The following RBFOX1 variants were observed in gnomAD, a reference collection of about 807,000 sequenced individuals.
RBFOX1 encodes RNA binding fox-1 homolog 1.
Under a neutral mutation model 57.7 loss-of-function variants are expected in RBFOX1, and 8 were observed. The observed-to-expected ratio is 0.14, with a 90% CI of 0.08 to 0.25. The LOEUF is 0.25. RBFOX1 is among the 10% of genes least tolerant of loss of function. RBFOX1 has a pLI of 1.00. For missense variants in RBFOX1, 611 were observed against 548.5 expected (o/e 1.11, Z -1.14); for synonymous variants, 326 against 222.4 (o/e 1.47, Z -4.15).
intron 1 of RBFOX1, among the ~76,000 whole-genome samples, chr16:6,139,080 G>A (rs182310727): frequency 1.5e-4 from 23 of 152,100 alleles, no homozygotes; most frequent in Admixed American, 1.1e-3. Flanking sequence ...TTTTATTACC[G>A]CTATTGTTAT....
At chr16:7,179,971 G>C (rs2082375781) in intron 4 of RBFOX1, among the ~76,000 whole-genome samples, 1 of 151,644 alleles carries the variant, frequency 6.6e-6, no homozygotes, top group African/African-American at 2.4e-5. Context: ...TAGAACTCCT[G>C]ACCTCAAGTG....
intron 4 of RBFOX1, among the ~76,000 whole-genome samples, chr16:7,203,463 T>C (rs912639313): frequency 5.9e-5 from 9 of 152,288 alleles, no homozygotes; most frequent in Admixed American, 5.9e-4. Context: ...GTTATGGTGG[T>C]GATGGTTGCA....
chr16:6,918,687 C>A (rs1040833035), intron 3 of RBFOX1, among the ~76,000 whole-genome samples: 1 of 152,100 alleles, frequency 6.6e-6, no homozygotes, highest in Non-Finnish European at 1.5e-5. Flanking sequence ...TATCTCTGGT[C>A]GTTTCAGAGA....
chr16:6,981,438 T>G (rs11864369), intron 3 of RBFOX1, among the ~76,000 whole-genome samples: 1 of 152,202 alleles, frequency 6.6e-6, no homozygotes, highest in Non-Finnish European at 1.5e-5. Context: ...TTCTTACTTT[T>G]GGATGCATAG....
chr16:6,680,918 A>G (rs983308343), intron 3 of RBFOX1, among the ~76,000 whole-genome samples: 6 of 152,248 alleles, frequency 3.9e-5, no homozygotes, highest in South Asian at 2.1e-4. Context: ...AAAGATTACA[A>G]TATAAATGCA....
chr16:6,085,032 C>G (rs367808283), intron 1 of RBFOX1, among the ~76,000 whole-genome samples: 119 of 152,244 alleles, frequency 7.8e-4, no homozygotes, highest in African/African-American at 2.7e-3. Flanking sequence ...CACTTCTGTC[C>G]TCAGCGTGCG....
At chr16:6,389,187 G>A (rs1398483304) in intron 2 of RBFOX1, among the ~76,000 whole-genome samples, 3 of 152,166 alleles carry the variant, frequency 2.0e-5, no homozygotes, top group African/African-American at 7.2e-5. Flanking sequence ...CAGGGATTCA[G>A]AGGGAGAATT....
chr16:6,136,568 C>A (rs757484050), intron 1 of RBFOX1, among the ~76,000 whole-genome samples: 2 of 152,162 alleles, frequency 1.3e-5, no homozygotes, highest in Non-Finnish European at 2.9e-5. Flanking sequence ...CTGTGCATTT[C>A]TTCAGAGCTC....
chr16:5,503,260 A>G (rs2043260781), intron 2 of RBFOX1, among the ~76,000 whole-genome samples: 2 of 152,204 alleles, frequency 1.3e-5, no homozygotes, highest in South Asian at 2.1e-4. Context: ...GGAAGATCCA[A>G]GAGGACCTCT....
At chr16:6,341,854 A>T (rs2084626179) in intron 2 of RBFOX1, among the ~76,000 whole-genome samples, 1 of 152,190 alleles carries the variant, frequency 6.6e-6, no homozygotes, top group South Asian at 2.1e-4. Context: ...TGGAGTCCAA[A>T]TCAGGACTGC....
intron 3 of RBFOX1, among the ~76,000 whole-genome samples, chr16:6,795,462 T>G (rs1165701418): frequency 6.6e-6 from 1 of 152,080 alleles, no homozygotes; most frequent in Non-Finnish European, 1.5e-5. Flanking sequence ...TATCAAATGT[T>G]GATGCTTAAA....
intron 4 of RBFOX1, among the ~76,000 whole-genome samples, chr16:7,082,955 A>G (rs1464043020): frequency 6.6e-6 from 1 of 152,076 alleles, no homozygotes; most frequent in Non-Finnish European, 1.5e-5. Flanking sequence ...GCAGCTCTGG[A>G]CCTACCAGCC....
intron 4 of RBFOX1, among the ~76,000 whole-genome samples, chr16:7,365,551 A>G (rs4787008): frequency 0.87 from 133,202 of 152,242 alleles, 58,585 homozygotes; most frequent in East Asian, 1. Context: ...AATTGTGTAG[A>G]GTGATGCTGC....
chr16:7,329,761 T>A (rs2096659989), intron 4 of RBFOX1, among the ~76,000 whole-genome samples: 1 of 152,116 alleles, frequency 6.6e-6, no homozygotes, highest in Admixed American at 6.5e-5. Context: ...AGGAAGATAT[T>A]TGTAACTCAA....
At chr16:7,262,142 A>G (rs1326918944) in intron 4 of RBFOX1, among the ~76,000 whole-genome samples, 2 of 151,668 alleles carry the variant, frequency 1.3e-5, no homozygotes, top group Non-Finnish European at 2.9e-5. Flanking sequence ...AGTAAGTGAA[A>G]GGTAAATATA....
chr16:6,415,961 C>G (rs1255173963), intron 2 of RBFOX1, among the ~76,000 whole-genome samples: 2 of 152,222 alleles, frequency 1.3e-5, no homozygotes, highest in Non-Finnish European at 2.9e-5. Context: ...TTTCCTTGTG[C>G]TTGTCACAAT....
At chr16:5,709,353 G>T (rs879649511) in intron 3 of RBFOX1, among the ~76,000 whole-genome samples, 3 of 152,186 alleles carry the variant, frequency 2.0e-5, no homozygotes, top group Non-Finnish European at 4.4e-5. Flanking sequence ...TCTTTGATCA[G>T]TGAGCATGTG....
At chr16:6,325,571 G>A (rs1217380393) in intron 2 of RBFOX1, among the ~76,000 whole-genome samples, 1 of 152,146 alleles carries the variant, frequency 6.6e-6, no homozygotes. Flanking sequence ...ACCTGAGGAT[G>A]TAGTGTTGTT....
At chr16:6,353,560 AGGTAGGATG>A (rs1412444291) in intron 2 of RBFOX1, among the ~76,000 whole-genome samples, 1 of 152,098 alleles carries the variant, frequency 6.6e-6, no homozygotes, top group Non-Finnish European at 1.5e-5. Context: ...CTAGAGAGCC[AGGTAGGATG>A]GGTCCTTAAG....
Sources: allele counts gnomAD v4.1 joint callset (sites outside exome capture counted in the v4.1 genomes callset), GRCh38; gene constraint gnomAD v4.1.1; transcripts MANE v1.5; gene names NCBI Gene and HGNC (gene_info 2026-07-23, HGNC 2026-07-21).